The following COL25A1 variants were observed in gnomAD, a reference collection of about 807,000 sequenced individuals.
The protein encoded by COL25A1 is collagen alpha-1(XXV) chain.
Under a neutral mutation model 128.4 loss-of-function variants are expected in COL25A1, and 103 were observed. The observed-to-expected ratio is 0.80, with a 90% confidence interval of 0.68 to 0.94. The LOEUF is 0.94. Ranked by LOEUF, COL25A1 falls within the 40% of genes least tolerant of loss-of-function variation. COL25A1 has a pLI of 0.00. For missense variants in COL25A1, 745 were observed against 840.0 expected, an observed-to-expected ratio of 0.89 and a Z score of 1.40; for synonymous variants, 279 against 277.2, an observed-to-expected ratio of 1.01 and a Z score of -0.06.
chr4:109,160,800 C>CT (rs60261351), intron 3 of COL25A1, among the ~76,000 whole-genome samples: 16 of 152,088 alleles, frequency 1.1e-4, no homozygotes, highest in Non-Finnish European at 2.4e-4. Flanking sequence ...AGGATTCACT[C>CT]TTTTTTTAAA....
chr4:109,276,758 G>A (rs1173653811), intron 3 of COL25A1, among the ~76,000 whole-genome samples: 4 of 152,104 alleles, frequency 2.6e-5, no homozygotes, highest in Admixed American at 6.5e-5. Context: ...CCCACCACAT[G>A]AAAAGAAAGC....
chr4:109,114,384 T>C (rs940191108), intron 3 of COL25A1, among the ~76,000 whole-genome samples: 1 of 152,066 alleles, frequency 6.6e-6, no homozygotes, highest in Non-Finnish European at 1.5e-5. Context: ...TGAGTAAGTA[T>C]GAATGTAGGT....
At position 109,048,741 on chromosome 4, in the gene COL25A1, T is replaced by C. The variant is rs145214819; in HGVS notation, c.413-566A>G. Among the ~76,000 whole-genome samples, 204 of 152,296 alleles carry C rather than the reference T, an allele frequency of 1.3e-3. 1 individual carries two copies. Among genetic ancestry groups the C allele is most frequent in the African/African-American group, 4.6e-3 (190 of 41,584 alleles). ...CACACACCATTATGCTCAATTAAAA[T>C]ACTAGTTCTAAGTAGCTAGGAAGTT... On this transcript the variant is annotated intron_variant, in intron 4 of 37. Transcript: ENST00000399132.
In COL25A1 at chr4:109,143,432, C is replaced by A. The variant is rs369142213; in HGVS notation, c.368-93253G>T. ...ATCTTTGTGGTGTTCTCTGTATTTC[C>A]TGAATTTGAATGTTGGCATGTCTTG... On this transcript the variant is annotated intron_variant, in intron 3 of 37. Coordinates refer to ENST00000399132, the MANE Select transcript of COL25A1 (RefSeq NM_198721.4). Among the ~76,000 whole-genome samples the A allele has an allele frequency of 3.9e-5, 6 of 152,128 alleles. No homozygotes were observed. In the East Asian group the frequency reaches 7.7e-4, roughly 20 times the overall value.
intron 3 of COL25A1, among the ~76,000 whole-genome samples, chr4:109,143,559 G>T (rs556623056): frequency 6.6e-6 from 1 of 152,162 alleles, no homozygotes; most frequent in East Asian, 1.9e-4. Context: ...ACATAGGTTT[G>T]GTCTTTTCAC....
intron 5 of COL25A1, among the ~76,000 whole-genome samples, chr4:109,024,505 T>G (rs3108331): frequency 0.51 from 77,677 of 151,708 alleles, 22,625 homozygotes; most frequent in African/African-American, 0.78. Context: ...GAAAAGAAAA[T>G]AAGAGATGAA....
At chr4:109,068,461 G>C (rs574388853) in intron 3 of COL25A1, among the ~76,000 whole-genome samples, 59 of 152,160 alleles carry the variant, frequency 3.9e-4, no homozygotes, top group African/African-American at 1.4e-3. Context: ...TAGGGAAAAG[G>C]AGAGAAGAGA....
chr4:108,950,448 A>C (rs1749277682), intron 8 of COL25A1, among the ~76,000 whole-genome samples: 1 of 152,202 alleles, frequency 6.6e-6, no homozygotes, highest in Admixed American at 6.5e-5. Flanking sequence ...CCATAGGTGC[A>C]GTCATGACAC....
intron 26 of COL25A1, among the ~76,000 whole-genome samples, chr4:108,849,233 G>A (rs1377209): frequency 0.78 from 118,156 of 152,040 alleles, 46,597 homozygotes; most frequent in South Asian, 0.88. Flanking sequence ...ACCTAAAAAA[G>A]TAAAATGCAA....
chr4:108,834,234 T>C, intron 31 of COL25A1: 2 of 1,036,436 alleles, frequency 1.9e-6, no homozygotes, highest in Non-Finnish European at 1.4e-6. Context: ...CTTCCCCTTT[T>C]ACTCCAGCTC....
chr4:109,157,710 A>C (rs1772168156), intron 3 of COL25A1, among the ~76,000 whole-genome samples: 1 of 152,208 alleles, frequency 6.6e-6, no homozygotes, highest in African/African-American at 2.4e-5. Context: ...CCTGTCTTAC[A>C]AGGATTTTGA....
At chr4:108,930,981 A>G (rs1443719352) in intron 11 of COL25A1, among the ~76,000 whole-genome samples, 2 of 152,162 alleles carry the variant, frequency 1.3e-5, no homozygotes, top group East Asian at 3.9e-4. Flanking sequence ...TGAGAATTTG[A>G]TAAGACAGAT....
At chr4:109,010,200 G>T (rs1756439371) in intron 6 of COL25A1, among the ~76,000 whole-genome samples, 158 bp downstream of exon 6, 1 of 152,100 alleles carries the variant, frequency 6.6e-6, no homozygotes, top group African/African-American at 2.4e-5. Context: ...CCCTGAAGAG[G>T]CCCCAAGGGT....
intron 3 of COL25A1, among the ~76,000 whole-genome samples, chr4:109,289,938 A>G (rs905294260): frequency 2.0e-5 from 3 of 152,102 alleles, no homozygotes; most frequent in African/African-American, 4.8e-5. Flanking sequence ...TATAATTGTG[A>G]AACAGTGTGA....
chr4:108,947,136 C>G (rs533646164), intron 8 of COL25A1, among the ~76,000 whole-genome samples: 1 of 152,010 alleles, frequency 6.6e-6, no homozygotes, highest in African/African-American at 2.4e-5. Context: ...CAGTTGGACA[C>G]GCATATAAAA....
At chr4:108,901,389 A>G (rs570168864) in intron 13 of COL25A1, among the ~76,000 whole-genome samples, 2 of 152,248 alleles carry the variant, frequency 1.3e-5, no homozygotes, top group African/African-American at 4.8e-5. Flanking sequence ...TCTTCTCATC[A>G]TTAAGAAAAC....
intron 13 of COL25A1, among the ~76,000 whole-genome samples, chr4:108,908,876 T>C (rs1221419154): frequency 1.3e-5 from 2 of 152,094 alleles, no homozygotes; most frequent in Admixed American, 1.3e-4. Flanking sequence ...AGATGTTCTC[T>C]TATGCTAAGT....
chr4:109,078,357 G>C (rs570808143), intron 3 of COL25A1, among the ~76,000 whole-genome samples: 30 of 152,248 alleles, frequency 2.0e-4, no homozygotes, highest in Admixed American at 4.6e-4. Context: ...AATTTCAGCA[G>C]TACTTTATAT....
At chr4:109,073,190 G>T (rs1763120373) in intron 3 of COL25A1, among the ~76,000 whole-genome samples, 1 of 152,134 alleles carries the variant, frequency 6.6e-6, no homozygotes, top group African/African-American at 2.4e-5. Flanking sequence ...GTTGTCAGGA[G>T]GGGAGGCATG....
Sources: gnomAD v4.1 joint callset for allele counts (sites outside exome capture counted in the v4.1 genomes callset) on GRCh38, gnomAD v4.1.1 for gene constraint, MANE v1.5 for transcripts, NCBI Gene and HGNC (gene_info 2026-07-23, HGNC 2026-07-21) for gene names.